The following TEX9 variants were observed in gnomAD, a reference collection of about 807,000 sequenced individuals.
TEX9 encodes the protein testis expressed 9, also known as testis-expressed protein 9.
A neutral mutation model predicts 59.6 loss-of-function variants in TEX9; 74 were observed. The ratio of observed to expected loss-of-function variants is 1.24; its 90% CI spans 1.03 to 1.51. The LOEUF (loss-of-function observed/expected upper bound fraction) is 1.51, where lower values mean the gene tolerates loss of function less well. Among genes scored for constraint, TEX9 ranks in the 40% most tolerant of loss-of-function variants. The pLI is 0.00. For missense variants in TEX9, 522 were observed against 447.8 expected (o/e 1.17, Z -1.49); for synonymous variants, 186 against 152.2 (o/e 1.22, Z -1.64).
intron 1 of TEX9, among the ~76,000 whole-genome samples, chr15:56,244,663 G>A (rs1289459279): frequency 7.6e-6 from 1 of 131,778 alleles, no homozygotes; most frequent in African/African-American, 2.8e-5. Context: ...CATAGCTCAA[G>A]TCGCGGCTTG....
chr15:56,390,412 T>C (rs1186603482), intron 6 of TEX9, among the ~76,000 whole-genome samples: 1 of 152,060 alleles, frequency 6.6e-6, no homozygotes, highest in Non-Finnish European at 1.5e-5. Flanking sequence ...CATAATGTGC[T>C]CATTTCACAT....
intron 1 of TEX9, among the ~76,000 whole-genome samples, chr15:56,265,354 G>C (rs771029956): frequency 6.6e-6 from 1 of 150,870 alleles, no homozygotes; most frequent in African/African-American, 2.4e-5. Flanking sequence ...TTTATTTTTT[G>C]TAGAGACAGG....
At chr15:56,358,415 G>T (rs1596114026) in intron 1 of TEX9, among the ~76,000 whole-genome samples, 1 of 148,834 alleles carries the variant, frequency 6.7e-6, no homozygotes. Context: ...CAATTTTGTT[G>T]AAGAAGAAAA....
intron 1 of TEX9, among the ~76,000 whole-genome samples, chr15:56,283,744 G>C (rs1278053382): frequency 6.6e-6 from 1 of 151,958 alleles, no homozygotes; most frequent in Non-Finnish European, 1.5e-5. Flanking sequence ...ATTTAAAACT[G>C]TATTTACCCC....
rs900912291 is a variant in TEX9 at position 56,391,250 on chromosome 15, T to C, written c.403T>C (p.Leu135=). ...TTAATTTTTATTTTTTAGTGTTAAA[T>C]TGAAATACTCTGATGTCCAAACTGC... Residue 135 remains leucine, a synonymous_variant, in exon 7 of 13, where the codon TTG becomes CTG. Transcript: ENST00000352903. The C allele has an allele frequency of 1.9e-5, 29 of 1,549,870 alleles. No individual in the cohort carries two copies. In the East Asian group the frequency reaches 6.2e-4, roughly 33 times the overall value.
At chr15:56,300,343 C>G (rs553299043) in intron 1 of TEX9, among the ~76,000 whole-genome samples, 1 of 152,204 alleles carries the variant, frequency 6.6e-6, no homozygotes, top group South Asian at 2.1e-4. Flanking sequence ...AGTTCAGACA[C>G]ACTTTAATGG....
chr15:56,338,455 A>T (rs1385920664), intron 1 of TEX9, among the ~76,000 whole-genome samples: 1 of 152,198 alleles, frequency 6.6e-6, no homozygotes, highest in African/African-American at 2.4e-5. Flanking sequence ...ATGGTCACGG[A>T]TCCACTGCCA....
At chr15:56,375,439 C>A (rs570583168) in intron 3 of TEX9, among the ~76,000 whole-genome samples, 1 of 151,922 alleles carries the variant, frequency 6.6e-6, no homozygotes, top group Admixed American at 6.6e-5. Context: ...GAGTAGGTTG[C>A]GAAAATTTTC....
intron 9 of TEX9, among the ~76,000 whole-genome samples, chr15:56,404,140 T>C (rs1184702808): frequency 6.6e-6 from 1 of 152,208 alleles, no homozygotes; most frequent in East Asian, 1.9e-4. Flanking sequence ...AAATGGGATC[T>C]AATTAAACTA....
At chr15:56,428,990 A>G (rs969109385) in intron 12 of TEX9, 23 of 590,540 alleles carry the variant, frequency 3.9e-5, no homozygotes, top group African/African-American at 3.3e-4. Flanking sequence ...ATGATTTACA[A>G]AATCCAAACA....
rs939788735 is a variant in TEX9 at position 56,305,325 on chromosome 15, C to T, written c.-107+61047C>T. Among the ~76,000 whole-genome samples the T allele has an allele frequency of 2.0e-5, 3 of 151,886 alleles. No individual in the cohort carries two copies. In the East Asian group the frequency reaches 5.8e-4, roughly 29 times the overall value. ...AAAAGACCCAGAATGGCCAAGGTCA[C>T]CTTGAGCAAAATGAACAAAACTGGA... On this transcript the variant is annotated intron_variant, in intron 1 of 5. Transcript: ENST00000560827.
chr15:56,255,361 A>G (rs2044121979), intron 1 of TEX9, among the ~76,000 whole-genome samples: 1 of 152,230 alleles, frequency 6.6e-6, no homozygotes, highest in South Asian at 2.1e-4. Flanking sequence ...TATAACTTTT[A>G]TATAGCTGTG....
intron 1 of TEX9, among the ~76,000 whole-genome samples, chr15:56,296,430 G>C (rs1409213791): frequency 1.3e-5 from 2 of 152,132 alleles, no homozygotes; most frequent in Admixed American, 1.3e-4. Context: ...ATTATTTAAA[G>C]CTAGGGCATT....
At chr15:56,382,159 G>T (rs1336500331) in intron 3 of TEX9, among the ~76,000 whole-genome samples, 2 of 152,154 alleles carry the variant, frequency 1.3e-5, no homozygotes, top group African/African-American at 2.4e-5. Flanking sequence ...CCATAGCAGG[G>T]TTCTGCCAGG....
chr15:56,357,390 T>C (rs1348428456), intron 1 of TEX9, among the ~76,000 whole-genome samples: 7 of 152,176 alleles, frequency 4.6e-5, no homozygotes, highest in Non-Finnish European at 1.0e-4. Flanking sequence ...CTTTGGTGTT[T>C]TGGCATTATG....
At chr15:56,258,774 C>G (rs2044199062) in intron 1 of TEX9, among the ~76,000 whole-genome samples, 1 of 151,514 alleles carries the variant, frequency 6.6e-6, no homozygotes, top group Non-Finnish European at 1.5e-5. Context: ...TTGATAGTCT[C>G]TTTTGTAAAA....
At chr15:56,394,859 CTT>C (rs2048384502) in intron 9 of TEX9, 25 bp downstream of exon 9, 4 of 1,590,972 alleles carry the variant, frequency 2.5e-6, no homozygotes, top group Non-Finnish European at 3.4e-6. Context: ...TTTTTCCTAA[CTT>C]AATGCCACAG....
chr15:56,392,093 C>G (rs2048243740), intron 7 of TEX9, among the ~76,000 whole-genome samples: 1 of 151,850 alleles, frequency 6.6e-6, no homozygotes, highest in Non-Finnish European at 1.5e-5. Context: ...TTAATTGTGA[C>G]TACAGGCAAG....
At chr15:56,365,615 G>C (rs751659112) in exon 2 of TEX9, 2 of 1,614,184 alleles carry the variant, frequency 1.2e-6, no homozygotes, top group Non-Finnish European at 1.7e-6. Context: ...CCCGCCACCC[G>C]TTCAGCAACC....
Sources: gnomAD v4.1 joint callset for allele counts (sites outside exome capture counted in the v4.1 genomes callset) on GRCh38, gnomAD v4.1.1 for gene constraint, MANE v1.5 for transcripts, NCBI Gene and HGNC (gene_info 2026-07-23, HGNC 2026-07-21) for gene names.